The following CCDC178 variants were observed in gnomAD, a reference collection of about 807,000 sequenced individuals.
CCDC178 encodes the protein coiled-coil domain containing 178.
Under a neutral mutation model 117.4 loss-of-function variants are expected in CCDC178, and 126 were observed. That is an observed-to-expected ratio of 1.07 (90% CI 0.93 to 1.24). The LOEUF (loss-of-function observed/expected upper bound fraction) is 1.24, where lower values mean the gene tolerates loss of function less well. Ranked by LOEUF, CCDC178 falls within the 50% of genes most tolerant of loss-of-function variation. The pLI, the probability that CCDC178 is intolerant of heterozygous loss-of-function variation, is 0.00. For synonymous variants in CCDC178, 283 were observed against 313.4 expected (o/e 0.90, Z 1.02); for missense variants, 1,030 against 986.9 (o/e 1.04, Z -0.59).
chr18:33,276,512 A>C (rs1014673079), intron 12 of CCDC178, among the ~76,000 whole-genome samples: 8 of 152,172 alleles, frequency 5.3e-5, no homozygotes, highest in African/African-American at 1.9e-4. Context: ...TAAAGAAACC[A>C]GTAGAGGGAA....
rs750171342 is a variant in CCDC178 at position 33,227,532 on chromosome 18, ATGTGTG to A, written c.1594-683_1594-678del. On this transcript the variant is annotated intron_variant, in intron 15 of 22. Coordinates refer to ENST00000383096, the MANE Select transcript of CCDC178 (RefSeq NM_001105528.4). The stretch of plus-strand genomic sequence containing the variant: ...TCCTCCAGATTCAAAAGATATATGT[ATGTGTG>A]TGTGTGTGTGTGTGTGTGTATATAT... Among the ~76,000 whole-genome samples the A allele has an allele frequency of 3.8e-3, 466 of 121,638 alleles. 3 individuals are homozygous for A. Among genetic ancestry groups the A allele is most frequent in the African/African-American group, 0.012 (417 of 33,630 alleles). The allele number at this position is 121,638 out of a possible 152,430, so 79.8% of individuals were successfully genotyped here.
At chr18:32,983,329 T>C (rs2055191145) in intron 21 of CCDC178, 2 of 1,531,348 alleles carry the variant, frequency 1.3e-6, no homozygotes, top group Non-Finnish European at 8.7e-7. Context: ...AGTTTGGAAG[T>C]TTCTTAGGTA....
chr18:33,397,132 T>C lies in CCDC178; in HGVS notation c.118+17A>G. 4 of 1,502,990 alleles carry C rather than the reference T, an allele frequency of 2.7e-6. No homozygotes were observed. Among genetic ancestry groups the C allele is most frequent in the Non-Finnish European group, 3.7e-6 (4 of 1,091,394 alleles). The allele number at this position is 1,502,990 out of a possible 1,614,324, so 93.1% of individuals were successfully genotyped here. On this transcript the variant is annotated intron_variant, in intron 4 of 22. Coordinates refer to ENST00000383096, the MANE Select transcript of CCDC178 (RefSeq NM_001105528.4). Reference sequence around the variant, plus strand: ...AGAAAAAAGAGATGAAAATTATATATAATAGCTGTTGGATACCTTCATTTG... The same window carrying C: ...AGAAAAAAGAGATGAAAATTATATACAATAGCTGTTGGATACCTTCATTTG...
chr18:33,014,413 T>G (rs538982415), intron 21 of CCDC178, among the ~76,000 whole-genome samples: 1 of 152,182 alleles, frequency 6.6e-6, no homozygotes, highest in Non-Finnish European at 1.5e-5. Context: ...AGAGGCTAAC[T>G]GAAAAACTTA....
intron 20 of CCDC178, among the ~76,000 whole-genome samples, chr18:33,198,087 C>T (rs1472632518): frequency 6.6e-6 from 1 of 152,090 alleles, no homozygotes; most frequent in Non-Finnish European, 1.5e-5. Context: ...GGAGGGCTAC[C>T]TGGGTAATGT....
chr18:33,197,912 C>A (rs1480723333), intron 20 of CCDC178, among the ~76,000 whole-genome samples: 1 of 152,084 alleles, frequency 6.6e-6, no homozygotes, highest in East Asian at 1.9e-4. Flanking sequence ...TGAAAATGAA[C>A]ATGACACTGT....
intron 11 of CCDC178, among the ~76,000 whole-genome samples, chr18:33,311,262 C>T (rs2062338274): frequency 6.6e-6 from 1 of 152,172 alleles, no homozygotes; most frequent in South Asian, 2.1e-4. Context: ...GACAAACAAT[C>T]CTATTTTATG....
chr18:33,372,226 T>C (rs1409855987), intron 5 of CCDC178, among the ~76,000 whole-genome samples: 1 of 152,068 alleles, frequency 6.6e-6, no homozygotes, highest in Non-Finnish European at 1.5e-5. Context: ...AATTCAGTGG[T>C]TCATGTTACT....
chr18:33,342,448 T>G (rs556118908), intron 9 of CCDC178, among the ~76,000 whole-genome samples: 1 of 152,184 alleles, frequency 6.6e-6, no homozygotes, highest in Non-Finnish European at 1.5e-5. Context: ...GATTCTTGTT[T>G]TGGATGTGAT....
intron 21 of CCDC178, among the ~76,000 whole-genome samples, chr18:33,053,929 AT>A (rs2056786226): frequency 2.0e-5 from 3 of 152,178 alleles, no homozygotes; most frequent in Non-Finnish European, 4.4e-5. Context: ...TAAAATCCTT[AT>A]AATGTAATGG....
chr18:33,234,230 CTGCTGTACCTT>C (rs535176661), intron 15 of CCDC178, among the ~76,000 whole-genome samples: 165 of 152,126 alleles, frequency 1.1e-3, no homozygotes, highest in East Asian at 7.2e-3. Context: ...GACTTTAATC[CTGCTGTACCTT>C]CACACTATTT....
chr18:32,960,645 A>G (rs1163713154), intron 22 of CCDC178, among the ~76,000 whole-genome samples: 1 of 152,108 alleles, frequency 6.6e-6, no homozygotes, highest in Non-Finnish European at 1.5e-5. Flanking sequence ...TCTGGTCTTG[A>G]TCACATCTCT....
intron 21 of CCDC178, among the ~76,000 whole-genome samples, chr18:33,069,815 A>C (rs145427717): frequency 1.3e-5 from 2 of 152,222 alleles, no homozygotes; most frequent in African/African-American, 4.8e-5. Flanking sequence ...AAGGTATTCA[A>C]ACAAGTCAAC....
intron 14 of CCDC178, among the ~76,000 whole-genome samples, chr18:33,249,390 T>TA (rs2144705347): frequency 6.6e-6 from 1 of 152,270 alleles, no homozygotes; most frequent in East Asian, 1.9e-4. Context: ...CTAGGGTTTT[T>TA]ATGGTTTTAG....
chr18:33,348,087 G>T (rs575311578), intron 8 of CCDC178, among the ~76,000 whole-genome samples: 4 of 151,946 alleles, frequency 2.6e-5, no homozygotes, highest in African/African-American at 9.6e-5. Flanking sequence ...TTTGTTATGT[G>T]AAAACTTGAT....
intron 18 of CCDC178, among the ~76,000 whole-genome samples, chr18:33,219,896 A>G (rs1409715287): frequency 6.6e-6 from 1 of 152,104 alleles, no homozygotes; most frequent in Non-Finnish European, 1.5e-5. Flanking sequence ...CATTGTGCAC[A>G]TGTACCCTAG....
At chr18:32,971,881 G>C (rs2054933566) in intron 22 of CCDC178, among the ~76,000 whole-genome samples, 1 of 151,916 alleles carries the variant, frequency 6.6e-6, no homozygotes, top group African/African-American at 2.4e-5. Flanking sequence ...TTTTTTTCTT[G>C]TTAATTTGTT....
chr18:33,317,019 G>A (rs2062428529), intron 11 of CCDC178, among the ~76,000 whole-genome samples: 2 of 152,286 alleles, frequency 1.3e-5, no homozygotes, highest in South Asian at 2.1e-4. Context: ...TTGGCTCTCT[G>A]TAAAATGGAC....
At chr18:33,238,109 C>G (rs1823537863) in intron 15 of CCDC178, among the ~76,000 whole-genome samples, 1 of 152,154 alleles carries the variant, frequency 6.6e-6, no homozygotes, top group Non-Finnish European at 1.5e-5. Context: ...CTAAATACAA[C>G]AAACTCTAAA....
Sources: allele counts gnomAD v4.1 joint callset (sites outside exome capture counted in the v4.1 genomes callset), GRCh38; gene constraint gnomAD v4.1.1; transcripts MANE v1.5; gene names NCBI Gene and HGNC (gene_info 2026-07-23, HGNC 2026-07-21).